EYS: variants seen among roughly 807,000 people sequenced by gnomAD.
EYS encodes protein eyes shut homolog.
A neutral mutation model predicts 282.1 loss-of-function variants in EYS; 250 were observed. The observed-to-expected ratio is 0.89, with a 90% confidence interval of 0.80 to 0.98. EYS has a LOEUF of 0.98. Ranked by LOEUF, EYS falls within the 50% of genes least tolerant of loss-of-function variation. The probability of loss-of-function intolerance (pLI) is 0.00; values close to 1 mark genes in which losing one functional copy is unlikely to be tolerated. For synonymous variants in EYS, 1,355 were observed against 1,282.9 expected (o/e 1.06, Z -1.20); for missense variants, 4,016 against 3,709.0 (o/e 1.08, Z -2.15).
At chr6:64,599,351 G>C (rs1766691565) in intron 24 of EYS, among the ~76,000 whole-genome samples, 1 of 152,144 alleles carries the variant, frequency 6.6e-6, no homozygotes, top group African/African-American at 2.4e-5. Context: ...ACTGAGTAAA[G>C]TTTGTATTCA....
At chr6:63,812,826 T>G (rs1241723420) in intron 36 of EYS, among the ~76,000 whole-genome samples, 1 of 152,152 alleles carries the variant, frequency 6.6e-6, no homozygotes, top group African/African-American at 2.4e-5. Flanking sequence ...TTTGAATTTG[T>G]TTTTTGTACT....
intron 31 of EYS, among the ~76,000 whole-genome samples, chr6:64,191,372 T>C (rs1307398901): frequency 2.6e-5 from 4 of 152,182 alleles, no homozygotes; most frequent in Admixed American, 6.5e-5. Flanking sequence ...AGGGTACATG[T>C]GCACAATGTG....
intron 22 of EYS, among the ~76,000 whole-genome samples, chr6:64,629,531 A>T (rs1344627180): frequency 6.6e-6 from 1 of 152,170 alleles, no homozygotes; most frequent in Non-Finnish European, 1.5e-5. Flanking sequence ...CCAGTGACAC[A>T]TATCTTTGAT....
intron 22 of EYS, among the ~76,000 whole-genome samples, chr6:64,788,546 G>A (rs1774089777): frequency 6.6e-6 from 1 of 152,132 alleles, no homozygotes; most frequent in African/African-American, 2.4e-5. Flanking sequence ...ACGTGGTAGA[G>A]GGGATAACAG....
intron 35 of EYS, among the ~76,000 whole-genome samples, chr6:63,895,325 G>A (rs1049484401): frequency 6.6e-6 from 1 of 152,030 alleles, no homozygotes; most frequent in African/African-American, 2.4e-5. Context: ...CAATATAAGA[G>A]AAAATGGAGG....
chr6:64,829,202 G>T (rs1387215820), intron 19 of EYS, among the ~76,000 whole-genome samples: 1 of 151,996 alleles, frequency 6.6e-6, no homozygotes, highest in East Asian at 1.9e-4. Context: ...TAATGCAGAA[G>T]AGGCATTAAA....
In EYS at chr6:65,180,155, C is replaced by A. The variant is rs545187213; in HGVS notation, c.2023+115708G>T. 1.7e-3 allele frequency among the ~76,000 whole-genome samples: 262 copies of A among 152,078 alleles called. 6 individuals carry two copies. The highest frequency in any genetic ancestry group is 8.3e-4 in the South Asian group (4 of 4,816). On this transcript the variant is annotated intron_variant, in intron 12 of 42. Coordinates refer to ENST00000503581, the MANE Select transcript of EYS (RefSeq NM_001142800.2). Reference sequence around the variant, plus strand: ...CTTTGAAAACGGGCACAAGACAGGGCTGCCCTCTCTCACCACTCCTATTCA... The same window carrying A: ...CTTTGAAAACGGGCACAAGACAGGGATGCCCTCTCTCACCACTCCTATTCA...
chr6:65,152,914 C>G (rs984532484), intron 12 of EYS, among the ~76,000 whole-genome samples: 1 of 150,632 alleles, frequency 6.6e-6, no homozygotes, highest in Non-Finnish European at 1.5e-5. Context: ...AACAATATGA[C>G]TTCATATTGT....
At chr6:65,330,371 G>A in intron 11 of EYS, 1 of 984,384 alleles carries the variant, frequency 1.0e-6, no homozygotes, top group Non-Finnish European at 1.2e-6. Flanking sequence ...AAAACAGGTG[G>A]GAGTCATGAA....
At chr6:64,849,187 A>T (rs1427697312) in intron 19 of EYS, among the ~76,000 whole-genome samples, 2 of 151,996 alleles carry the variant, frequency 1.3e-5, no homozygotes, top group Non-Finnish European at 2.9e-5. Context: ...ATTAGCATTC[A>T]TGTAGCCAAT....
chr6:64,673,678 T>C (rs1769547254), intron 22 of EYS, among the ~76,000 whole-genome samples: 1 of 152,112 alleles, frequency 6.6e-6, no homozygotes, highest in African/African-American at 2.4e-5. Flanking sequence ...TGTGATATTT[T>C]CTGCTAAATT....
intron 33 of EYS, among the ~76,000 whole-genome samples, chr6:64,020,572 A>C (rs1769141521): frequency 6.6e-6 from 1 of 152,178 alleles, no homozygotes; most frequent in African/African-American, 2.4e-5. Flanking sequence ...AAGAAATGGT[A>C]AAAATTATCC....
intron 13 of EYS, among the ~76,000 whole-genome samples, chr6:65,026,201 TGTTA>T (rs1207681594): frequency 6.6e-6 from 1 of 152,166 alleles, no homozygotes; most frequent in African/African-American, 2.4e-5. Flanking sequence ...CTCTATCCAC[TGTTA>T]GTTTCATAAA....
At chr6:64,203,030 A>C (rs1336972040) in intron 31 of EYS, among the ~76,000 whole-genome samples, 3 of 152,230 alleles carry the variant, frequency 2.0e-5, no homozygotes, top group African/African-American at 4.8e-5. Flanking sequence ...ATACTAATAC[A>C]GAGTCAAAGA....
chr6:64,298,896 T>A (rs1239224687), intron 30 of EYS, among the ~76,000 whole-genome samples: 1 of 152,076 alleles, frequency 6.6e-6, no homozygotes, highest in Non-Finnish European at 1.5e-5. Context: ...TAGCTTAATA[T>A]CAGACAAAAT....
In EYS at chr6:64,393,005, C is replaced by T. The variant is rs148516567; in HGVS notation, c.5928-4165G>A. On this transcript the variant is annotated intron_variant, in intron 28 of 42. Coordinates refer to ENST00000503581, the MANE Select transcript of EYS (RefSeq NM_001142800.2). ...TCAGAGAATACTACAAACACCTCTA[C>T]GCAAATACTAAAGTAGAAAATCTAG... is the stretch of plus-strand genomic sequence containing the variant. Among the ~76,000 whole-genome samples the T allele has an allele frequency of 2.5e-3, 379 of 152,238 alleles. 2 individuals are homozygous for T. The highest frequency in any genetic ancestry group is 8.1e-3 in the African/African-American group (338 of 41,548).
At chr6:63,857,812 CA>C in intron 36 of EYS, 1 of 198,182 alleles carries the variant, frequency 5.0e-6, no homozygotes. Flanking sequence ...GGAGGATACA[CA>C]AAAAATATCC....
At chr6:64,367,625 A>G (rs1772222629) in intron 29 of EYS, among the ~76,000 whole-genome samples, 1 of 149,396 alleles carries the variant, frequency 6.7e-6, no homozygotes, top group African/African-American at 2.5e-5. Flanking sequence ...AAAAAAAATT[A>G]TGGCTGTTAT....
chr6:65,326,296 T>C (rs1215027300), intron 11 of EYS, among the ~76,000 whole-genome samples: 1 of 151,936 alleles, frequency 6.6e-6, no homozygotes, highest in African/African-American at 2.4e-5. Context: ...TAGAAAGCGA[T>C]AGATTTATTT....
Sources: allele counts gnomAD v4.1 joint callset (sites outside exome capture counted in the v4.1 genomes callset), GRCh38; gene constraint gnomAD v4.1.1; transcripts MANE v1.5; gene names NCBI Gene and HGNC (gene_info 2026-07-23, HGNC 2026-07-21).